The following ANK3 variants were observed in gnomAD, a reference collection of about 807,000 sequenced individuals.
ANK3 encodes ankyrin 3.
Under a neutral mutation model 370.9 loss-of-function variants are expected in ANK3, and 57 were observed. That is an observed-to-expected ratio of 0.15 (90% confidence interval 0.12 to 0.19). ANK3 has a LOEUF of 0.19. Ranked by LOEUF, ANK3 falls within the 10% of genes least tolerant of loss-of-function variation. The probability of loss-of-function intolerance (pLI) is 1.00; values close to 1 mark genes in which losing one functional copy is unlikely to be tolerated. For synonymous variants in ANK3, 1,929 were observed against 1,946.3 expected (o/e 0.99, Z 0.23); for missense variants, 4,439 against 5,302.1 (o/e 0.84, Z 5.06).
At chr10:60,351,671 GA>G (rs2056893803) in intron 1 of ANK3, among the ~76,000 whole-genome samples, 1 of 152,188 alleles carries the variant, frequency 6.6e-6, no homozygotes, top group Admixed American at 6.5e-5. Flanking sequence ...GGCTCAGGTA[GA>G]AGTGCAGCTA....
At chr10:60,566,867 A>T (rs1595293210) in intron 2 of ANK3, among the ~76,000 whole-genome samples, 1 of 152,096 alleles carries the variant, frequency 6.6e-6, no homozygotes, top group South Asian at 2.1e-4. Context: ...AAAGAGTGAG[A>T]CCCTGTCTCT....
At chr10:60,133,036 T>C (rs1438893473) in intron 25 of ANK3, among the ~76,000 whole-genome samples, 2 of 152,162 alleles carry the variant, frequency 1.3e-5, no homozygotes, top group Non-Finnish European at 2.9e-5. Flanking sequence ...AAATATATAT[T>C]GTAGGTTCCT....
chr10:60,301,391 TAC>T (rs1224662040), intron 1 of ANK3, among the ~76,000 whole-genome samples: 180 of 143,292 alleles, frequency 1.3e-3, no homozygotes, highest in South Asian at 3.1e-3. Flanking sequence ...CATACATACA[TAC>T]ACACACACAC....
chr10:60,469,020 CCACTTTTAGTGTATATATAT>C (rs2065085001), intron 2 of ANK3, among the ~76,000 whole-genome samples: 27 of 26,212 alleles, frequency 1.0e-3, no homozygotes, highest in African/African-American at 3.7e-3. Flanking sequence ...TATATATATA[CCACTTTTAGTGTATATATAT>C]ATATATATAT....
chr10:60,492,563 C>T (rs1014570018), intron 2 of ANK3, among the ~76,000 whole-genome samples: 32 of 151,126 alleles, frequency 2.1e-4, no homozygotes, highest in African/African-American at 7.3e-4. Flanking sequence ...AAAAATTAGC[C>T]GGGCATGGTG....
intron 42 of ANK3, among the ~76,000 whole-genome samples, chr10:60,054,706 A>G (rs1401774197): frequency 1.3e-5 from 2 of 152,202 alleles, no homozygotes; most frequent in Non-Finnish European, 2.9e-5. Flanking sequence ...TCTTGAACTC[A>G]TTATTTCAGA....
At chr10:60,606,051 TG>T (rs956623939) in intron 2 of ANK3, among the ~76,000 whole-genome samples, 28 of 152,264 alleles carry the variant, frequency 1.8e-4, no homozygotes, top group Middle Eastern at 3.4e-3. Flanking sequence ...AAAATAAAAA[TG>T]TAGCTTTATT....
chr10:60,149,066 T>A (rs896631849), intron 23 of ANK3, among the ~76,000 whole-genome samples: 1 of 152,250 alleles, frequency 6.6e-6, no homozygotes, highest in Admixed American at 6.5e-5. Context: ...TTCTTTCCCT[T>A]ACACCCAAAT....
chr10:60,091,421 T>C (rs1463788423), intron 28 of ANK3, among the ~76,000 whole-genome samples: 1 of 145,638 alleles, frequency 6.9e-6, no homozygotes, highest in Non-Finnish European at 1.5e-5. Context: ...TTAAAGTCAC[T>C]CTCACATGGA....
At chr10:60,369,823 T>C (rs1594652643) in intron 1 of ANK3, among the ~76,000 whole-genome samples, 1 of 152,190 alleles carries the variant, frequency 6.6e-6, no homozygotes, top group South Asian at 2.1e-4. Context: ...CTGCTAGAAC[T>C]ATTAACTGCC....
intron 1 of ANK3, among the ~76,000 whole-genome samples, chr10:60,655,098 T>C (rs1450326929): frequency 6.6e-6 from 1 of 152,106 alleles, no homozygotes; most frequent in Non-Finnish European, 1.5e-5. Context: ...TACAATTACA[T>C]ACAGTACATA....
At chr10:60,483,319 A>C (rs371594961) in intron 2 of ANK3, among the ~76,000 whole-genome samples, 21 of 152,204 alleles carry the variant, frequency 1.4e-4, no homozygotes, top group African/African-American at 5.1e-4. Context: ...TCTATTTAAA[A>C]ACTTTAATTC....
chr10:60,658,886 A>T (rs1416104367), intron 1 of ANK3, among the ~76,000 whole-genome samples: 1 of 145,506 alleles, frequency 6.9e-6, no homozygotes, highest in Non-Finnish European at 1.5e-5. Context: ...AAGAAAAGAG[A>T]AAGAGAGAGA....
At chr10:60,293,338 G>A (rs191250428) in intron 1 of ANK3, among the ~76,000 whole-genome samples, 36 of 152,200 alleles carry the variant, frequency 2.4e-4, no homozygotes, top group South Asian at 6.2e-4. Context: ...GGTTCATAGC[G>A]CTGAACTAGT....
In ANK3 at chr10:60,139,199, C is replaced by G. The variant is rs562311101; in HGVS notation, c.2615-112G>C. On this transcript the variant is annotated intron_variant, in intron 23 of 43. Coordinates refer to ENST00000280772, the MANE Select transcript of ANK3 (RefSeq NM_020987.5). Reference sequence around the variant, plus strand: ...AAATCCCCCAATATCTCATATTCACCTTCCCCTATCACCTGGATAATTTTT... The same window carrying G: ...AAATCCCCCAATATCTCATATTCACGTTCCCCTATCACCTGGATAATTTTT... 5.7e-4 allele frequency: 734 copies of G among 1,283,794 alleles called. 1 individual carries two copies. The highest frequency in any genetic ancestry group is 7.1e-4 in the Non-Finnish European group (660 of 927,116). 79.5% of individuals were successfully genotyped at this position (1,283,794 alleles called of 1,614,324 possible).
chr10:60,451,516 G>A (rs2064601610), intron 2 of ANK3, among the ~76,000 whole-genome samples: 1 of 152,176 alleles, frequency 6.6e-6, no homozygotes, highest in Non-Finnish European at 1.5e-5. Flanking sequence ...GGGGATCCAG[G>A]AAAAGTGTAG....
At chr10:60,364,999 A>G (rs889067069) in intron 1 of ANK3, among the ~76,000 whole-genome samples, 3 of 151,204 alleles carry the variant, frequency 2.0e-5, no homozygotes, top group Non-Finnish European at 2.9e-5. Context: ...TGTGTAATAC[A>G]TTTCAAGGAA....
chr10:60,287,653 C>G, intron 1 of ANK3, among the ~76,000 whole-genome samples: 1 of 152,234 alleles, frequency 6.6e-6, no homozygotes, highest in East Asian at 1.9e-4. Context: ...GAGGCAGAAA[C>G]CTAACTTTCT....
chr10:60,046,121 G>A (rs903904195), intron 42 of ANK3, among the ~76,000 whole-genome samples: 17 of 152,168 alleles, frequency 1.1e-4, no homozygotes, highest in Non-Finnish European at 2.2e-4. Flanking sequence ...GAAGAGAGGG[G>A]AGAAAAACTG....
Sources: allele counts gnomAD v4.1 joint callset (sites outside exome capture counted in the v4.1 genomes callset), GRCh38; gene constraint gnomAD v4.1.1; transcripts MANE v1.5; gene names NCBI Gene and HGNC (gene_info 2026-07-23, HGNC 2026-07-21).